FBXL2: variants seen among roughly 807,000 people sequenced by gnomAD.
The protein encoded by FBXL2 is F-box/LRR-repeat protein 2.
A neutral mutation model predicts 69.2 loss-of-function variants in FBXL2; 38 were observed. The ratio of observed to expected loss-of-function variants is 0.55; its 90% CI spans 0.42 to 0.72. The LOEUF (loss-of-function observed/expected upper bound fraction) is 0.72. Ranked by LOEUF, FBXL2 falls within the 30% of genes least tolerant of loss-of-function variation. The probability of loss-of-function intolerance (pLI) is 0.00; values close to 1 mark genes in which losing one functional copy is unlikely to be tolerated. For missense variants in FBXL2, 354 were observed against 520.3 expected, an observed-to-expected ratio of 0.68 and a Z score of 3.11; for synonymous variants, 192 against 201.3, an observed-to-expected ratio of 0.95 and a Z score of 0.39.
chr3:33,375,196 C>T (rs1298550325), intron 9 of FBXL2, 92 bp from the exon 10 acceptor site: 4 of 1,524,818 alleles, frequency 2.6e-6, no homozygotes, highest in Non-Finnish European at 3.6e-6. Flanking sequence ...AATCAGCAAC[C>T]AAAACTGAAC....
At chr3:33,353,791 G>A (rs1173825762) in intron 2 of FBXL2, among the ~76,000 whole-genome samples, 3 of 152,200 alleles carry the variant, frequency 2.0e-5, no homozygotes, top group Non-Finnish European at 4.4e-5. Flanking sequence ...GGGAGGCTGA[G>A]GCGGGATGAT....
chr3:33,343,751 AAG>A (rs1300569860), intron 2 of FBXL2, among the ~76,000 whole-genome samples: 4 of 152,252 alleles, frequency 2.6e-5, no homozygotes, highest in African/African-American at 7.2e-5. Context: ...GGAGGGAAGA[AAG>A]AGCATATTTA....
downstream of FBXL2, among the ~76,000 whole-genome samples, chr3:33,405,977 C>A (rs746989578): frequency 1.1e-4 from 17 of 152,148 alleles, no homozygotes; most frequent in Non-Finnish European, 2.1e-4. Flanking sequence ...AAAATGATTG[C>A]AGACTTATTA....
chr3:33,422,409 G>C, the FBXL2 span, among the ~76,000 whole-genome samples: 1 of 151,926 alleles, frequency 6.6e-6, no homozygotes, highest in Non-Finnish European at 1.5e-5. Context: ...AGAAAAGAAG[G>C]GAGGAGGGAG....
At chr3:33,297,776 A>C (rs2035873668) in intron 2 of FBXL2, 51 bp downstream of exon 2, 1 of 1,058,262 alleles carries the variant, frequency 9.4e-7, no homozygotes, top group Non-Finnish European at 1.4e-6. Flanking sequence ...TTTAGTCATC[A>C]AGTTCCAAGA....
chr3:33,376,677 G>A (rs1235682907), intron 10 of FBXL2, among the ~76,000 whole-genome samples: 3 of 152,164 alleles, frequency 2.0e-5, no homozygotes, highest in South Asian at 2.1e-4. Context: ...AGATGATTTT[G>A]TTGAGAAAAG....
downstream of FBXL2, among the ~76,000 whole-genome samples, chr3:33,404,317 CAG>C (rs2044354906): frequency 6.6e-6 from 1 of 152,012 alleles, no homozygotes; most frequent in Admixed American, 6.6e-5. Flanking sequence ...GAGGCTGAGG[CAG>C]GAGAATCGCT....
intron 1 of FBXL2, among the ~76,000 whole-genome samples, chr3:33,280,713 C>CAAAAAAAAAAAAAAAAA (rs34093056): frequency 1.2e-5 from 1 of 81,438 alleles, no homozygotes; most frequent in African/African-American, 4.9e-5. Flanking sequence ...GCCCTGTATC[C>CAAAAAAAAAAAAAAAAA]AAAAAAAAAA....
chr3:33,346,187 T>C (rs961964783), intron 2 of FBXL2, among the ~76,000 whole-genome samples: 3 of 151,956 alleles, frequency 2.0e-5, no homozygotes, highest in Non-Finnish European at 4.4e-5. Flanking sequence ...GATCGTGCCA[T>C]TGCACTCCAG....
chr3:33,286,017 C>T (rs1159841384), intron 1 of FBXL2, among the ~76,000 whole-genome samples: 3 of 152,002 alleles, frequency 2.0e-5, no homozygotes, highest in Non-Finnish European at 2.9e-5. Flanking sequence ...TTGTTATTAC[C>T]GATCATCTGA....
At chr3:33,283,522 G>T (rs139136548) in intron 1 of FBXL2, among the ~76,000 whole-genome samples, 4,621 of 152,124 alleles carry the variant, frequency 0.03, 85 homozygotes, top group Middle Eastern at 0.14. Flanking sequence ...TTTTTGTTGT[G>T]TCTCTGCCAG....
At chr3:33,283,669 G>A (rs552257730) in intron 1 of FBXL2, among the ~76,000 whole-genome samples, 80 of 152,222 alleles carry the variant, frequency 5.3e-4, no homozygotes, top group African/African-American at 1.6e-3. Context: ...CTGTGAATCT[G>A]TCTGGTCCTG....
intron 2 of FBXL2, among the ~76,000 whole-genome samples, chr3:33,316,061 CTTT>C (rs112932404): frequency 5.7e-5 from 8 of 141,444 alleles, no homozygotes; most frequent in Admixed American, 7.1e-5. Context: ...GTTTTGCTTA[CTTT>C]TTTTTTTTTT....
chr3:33,287,935 T>A (rs536869514), intron 1 of FBXL2, among the ~76,000 whole-genome samples: 1 of 152,318 alleles, frequency 6.6e-6, no homozygotes, highest in African/African-American at 2.4e-5. Context: ...TCCTGAAGGA[T>A]TTACTGGGTT....
At chr3:33,420,108 GAC>G in the FBXL2 span, among the ~76,000 whole-genome samples, 1 of 152,118 alleles carries the variant, frequency 6.6e-6, no homozygotes, top group African/African-American at 2.4e-5. Flanking sequence ...CCCAAGATGT[GAC>G]AGCCCCCACT....
At chr3:33,289,681 C>T (rs578208948) in intron 1 of FBXL2, 2 of 846,146 alleles carry the variant, frequency 2.4e-6, no homozygotes, top group South Asian at 5.4e-5. Flanking sequence ...GTTCCAGCTA[C>T]AGTGCAGGAC....
At chr3:33,417,122 C>G in the FBXL2 span, among the ~76,000 whole-genome samples, 1 of 152,192 alleles carries the variant, frequency 6.6e-6, no homozygotes, top group Non-Finnish European at 1.5e-5. Context: ...ATTTTTGTAA[C>G]AGCTTTTCTG....
chr3:33,403,039 G>T, intron 12 of FBXL2: 1 of 770,320 alleles, frequency 1.3e-6, no homozygotes, highest in Non-Finnish European at 2.1e-6. Flanking sequence ...CAACCTCACA[G>T]ACACATGTCA....
chr3:33,368,282 A>G (rs939220563), intron 5 of FBXL2, among the ~76,000 whole-genome samples: 2 of 152,204 alleles, frequency 1.3e-5, no homozygotes, highest in Non-Finnish European at 2.9e-5. Flanking sequence ...TTTATCAACT[A>G]ATAAAAGGAG....
Sources: gnomAD v4.1 joint callset for allele counts (sites outside exome capture counted in the v4.1 genomes callset) on GRCh38, gnomAD v4.1.1 for gene constraint, MANE v1.5 for transcripts, NCBI Gene and HGNC (gene_info 2026-07-23, HGNC 2026-07-21) for gene names.